The following DOCK9 variants were observed in gnomAD, a reference collection of about 807,000 sequenced individuals.
The protein encoded by DOCK9 is dedicator of cytokinesis 9, also known as dedicator of cytokinesis protein 9.
A neutral mutation model predicts 263.3 loss-of-function variants in DOCK9; 89 were observed. That is an observed-to-expected ratio of 0.34 (90% CI 0.28 to 0.40). DOCK9 has a LOEUF of 0.40. DOCK9 is among the 10% of genes least tolerant of loss of function. The pLI is 1.00. For synonymous variants in DOCK9, 976 were observed against 973.1 expected, an observed-to-expected ratio of 1.00 and a Z score of -0.06; for missense variants, 2,140 against 2,603.4, an observed-to-expected ratio of 0.82 and a Z score of 3.87.
At chr13:99,037,960 T>A (rs1368751665) in intron 1 of DOCK9, among the ~76,000 whole-genome samples, 2 of 152,146 alleles carry the variant, frequency 1.3e-5, no homozygotes, top group Non-Finnish European at 2.9e-5. Flanking sequence ...GAAGGACGGA[T>A]CATAAAAGGC....
At chr13:98,862,684 T>C (rs1185310099) in intron 32 of DOCK9, among the ~76,000 whole-genome samples, 2 of 134,574 alleles carry the variant, frequency 1.5e-5, no homozygotes, top group South Asian at 2.4e-4. Flanking sequence ...GCAAGACTTA[T>C]CTTGGGGAAA....
chr13:98,797,151 T>C lies in DOCK9; in HGVS notation c.6120A>G (p.Glu2040=). 1 of 1,614,008 alleles carries C rather than the reference T, an allele frequency of 6.2e-7. No individual in the cohort carries two copies. Residue 2040 remains glutamate (E), a synonymous_variant, in exon 52 of 53, where the codon GAA becomes GAG. Transcript: ENST00000682017. The part of the protein sequence containing the change: ...YQEEMKANYR[E]MAKELSEIMH... Reference sequence around the variant, plus strand: ...TGATTTCAGAAAGCTCCTTCGCCATTTCCCTGTAGTTGGCTTTCATTTCTT... The same window carrying C: ...TGATTTCAGAAAGCTCCTTCGCCATCTCCCTGTAGTTGGCTTTCATTTCTT...
rs3211042 is a variant in DOCK9 at position 98,807,677 on chromosome 13, A to T, written c.5498T>A (p.Ile1833Lys). ...DKFGSENVKM[I>K]QDSGKVNPKD... ...TGGTCATACCTTGCCAGAATCCTGTATCATTTTGACATTTTCAGAACCAAA... is the reference window on the plus strand; with the variant it reads ...TGGTCATACCTTGCCAGAATCCTGTTTCATTTTGACATTTTCAGAACCAAA... The change falls in exon 48 of 53, where the codon ATA (isoleucine) becomes AAA (lysine). Residue 1833 changes from isoleucine (I) to lysine (K), a missense_variant. Physicochemically the swap from Ile to Lys is moderately radical, Grantham distance 102. Coordinates refer to ENST00000682017, the MANE Select transcript of DOCK9 (RefSeq NM_001366683.2). 6.2e-7 allele frequency: 1 copy of T among 1,609,348 alleles called. No individual in the cohort carries two copies. Among genetic ancestry groups the T allele is most frequent in the Admixed American group, 1.7e-5 (1 of 59,962 alleles).
At chr13:98,812,575 A>C (rs1205936656) in intron 45 of DOCK9, among the ~76,000 whole-genome samples, 2 of 152,428 alleles carry the variant, frequency 1.3e-5, no homozygotes, top group East Asian at 3.8e-4. Flanking sequence ...CAAGGGCTAC[A>C]ACAACTTAAT....
Position 98,794,103 on chromosome 13 carries a change from C to G in DOCK9, c.*523G>C, listed in dbSNP as rs1309781172. ...AAATGAATATAAAAGCACTAAATCTCCTGGTTCACTGGTACAAAAATTACA... is the reference window on the plus strand; with the variant it reads ...AAATGAATATAAAAGCACTAAATCTGCTGGTTCACTGGTACAAAAATTACA... On this transcript the variant is annotated 3_prime_UTR_variant, in exon 53 of 53. Coordinates refer to ENST00000682017, the MANE Select transcript of DOCK9 (RefSeq NM_001366683.2). The G allele has an allele frequency of 6.5e-6, 1 of 152,754 alleles. No individual in the cohort carries two copies. Among genetic ancestry groups the G allele is most frequent in the South Asian group, 2.1e-4 (1 of 4,828 alleles). 9.5% of individuals were successfully genotyped at this position (152,754 alleles called of 1,614,324 possible).
At position 98,810,250 on chromosome 13, in the gene DOCK9, G is replaced by A. The variant is rs777209815; in HGVS notation, c.5172C>T (p.Leu1724=). 3.1e-6 allele frequency: 5 copies of A among 1,613,816 alleles called. No individual in the cohort carries two copies. The highest frequency in any genetic ancestry group is 1.3e-5 in the African/African-American group (1 of 75,040). ...TGAGCTCGTAGCGCTCGGCTTTCCA[G>A]AGTCCATCTGCGCACTGCTCAAGGA... ...MELLEQCADG[L]WKAERYELIA... The change falls in exon 46 of 53, where the codon CTC becomes CTT. Residue 1724 remains leucine, a synonymous_variant. Coordinates refer to ENST00000682017, the MANE Select transcript of DOCK9 (RefSeq NM_001366683.2).
chr13:99,023,669 G>GAA (rs889914519), intron 1 of DOCK9, among the ~76,000 whole-genome samples: 15 of 152,244 alleles, frequency 9.9e-5, no homozygotes, highest in African/African-American at 3.6e-4. Flanking sequence ...TTTAAAAATA[G>GAA]AAAACCAACT....
chr13:98,873,672 CA>C (rs909144067), intron 27 of DOCK9, among the ~76,000 whole-genome samples: 10 of 152,188 alleles, frequency 6.6e-5, no homozygotes, highest in Non-Finnish European at 1.5e-4. Context: ...CCAGTTAGAT[CA>C]AAAGGAGGAG....
chr13:98,955,298 G>A, intron 2 of DOCK9, 137 bp downstream of exon 2: 2 of 524,240 alleles, frequency 3.8e-6, no homozygotes, highest in Non-Finnish European at 6.1e-6. Flanking sequence ...AAGCCTGCGT[G>A]ACAGAGCAAG....
At chr13:99,007,193 T>C (rs999901014) in intron 1 of DOCK9, among the ~76,000 whole-genome samples, 1 of 151,678 alleles carries the variant, frequency 6.6e-6, no homozygotes, top group African/African-American at 2.4e-5. Context: ...ATCAAGACCA[T>C]CCTGGCCAAC....
chr13:98,872,354 G>A (rs2094209885), intron 27 of DOCK9, among the ~76,000 whole-genome samples: 1 of 152,010 alleles, frequency 6.6e-6, no homozygotes, highest in African/African-American at 2.4e-5. Flanking sequence ...AGATCCCTAT[G>A]TTATTTCCTC....
intron 10 of DOCK9, among the ~76,000 whole-genome samples, chr13:98,903,316 G>A (rs554917666): frequency 3.9e-5 from 6 of 152,194 alleles, no homozygotes; most frequent in African/African-American, 7.2e-5. Context: ...GACATGGGCC[G>A]GGCACGGTGG....
intron 32 of DOCK9, among the ~76,000 whole-genome samples, chr13:98,862,776 C>T (rs1462923288): frequency 6.6e-6 from 1 of 152,018 alleles, no homozygotes; most frequent in African/African-American, 2.4e-5. Flanking sequence ...CAGAGACTGG[C>T]GCGATGCCAC....
At chr13:99,009,411 T>C (rs1452856548) in intron 1 of DOCK9, among the ~76,000 whole-genome samples, 1 of 152,030 alleles carries the variant, frequency 6.6e-6, no homozygotes, top group African/African-American at 2.4e-5. Context: ...CAAACCATGG[T>C]GCTGTGACCA....
intron 38 of DOCK9, among the ~76,000 whole-genome samples, chr13:98,844,152 C>A (rs1044297693): frequency 1.2e-4 from 18 of 152,208 alleles, no homozygotes; most frequent in African/African-American, 4.3e-4. Context: ...TGTTCCAATC[C>A]CTTTCTGCAG....
Position 99,050,177 on chromosome 13 carries a change from C to G in DOCK9, c.129+36046G>C, listed in dbSNP as rs556360262. Among the ~76,000 whole-genome samples, 3 of 152,180 alleles carry G rather than the reference C, an allele frequency of 2.0e-5. No individual in the cohort carries two copies. The East Asian group carries it at 5.8e-4, about 29-fold the overall frequency. On this transcript the variant is annotated intron_variant, in intron 1 of 32. Coordinates refer to the DOCK9 transcript ENST00000427887. ...AAATCAAAAATGGAAAGACACATAG[C>G]ATGTGTAGTTTATCTATGTCACAGA... is the stretch of plus-strand genomic sequence containing the variant.
intron 1 of DOCK9, among the ~76,000 whole-genome samples, chr13:99,027,763 C>T (rs2000343): frequency 0.49 from 74,896 of 151,608 alleles, 18,719 homozygotes; most frequent in East Asian, 0.65. Flanking sequence ...GTATAGCTCA[C>T]GGAGCTGTTT....
At position 98,829,682 on chromosome 13, in the gene DOCK9, G is replaced by A. The variant is rs754639360; in HGVS notation, c.4710C>T (p.Ser1570=). 3.7e-6 allele frequency: 6 copies of A among 1,609,646 alleles called. No individual in the cohort carries two copies. The highest frequency in any genetic ancestry group is 5.1e-6 in the Non-Finnish European group (6 of 1,178,020). ...CACTGTTGGCACAGTTGTTGATGAT[G>A]GACAGGGACTGCTGGAATCTGGTTC... ...IGGTRFQQSL[S]IINNCANSDR... The change falls in exon 42 of 53, where the codon TCC becomes TCT. Residue 1570 remains serine (S), a synonymous_variant. Transcript: ENST00000682017. The surrounding 1 kb of genome is among the most constrained non-coding windows in gnomAD (Gnocchi z 4.1).
rs183414235 is a variant in DOCK9, at chr13:99,047,350, C to A, written c.129+38873G>T. On this transcript the variant is annotated intron_variant, in intron 1 of 32. Transcript: ENST00000427887. ...CAGCTGCCATCGCAGCACATAAGCACGTCTGTTACCATCAGGGTCCCCAGG... is the reference window on the plus strand; with the variant it reads ...CAGCTGCCATCGCAGCACATAAGCAAGTCTGTTACCATCAGGGTCCCCAGG... Among the ~76,000 whole-genome samples, 35 of 152,288 alleles carry A rather than the reference C, an allele frequency of 2.3e-4. No homozygotes were observed. In the East Asian group the frequency reaches 6.4e-3, roughly 28 times the overall value.
Sources: allele counts gnomAD v4.1 joint callset (sites outside exome capture counted in the v4.1 genomes callset), GRCh38; gene constraint gnomAD v4.1.1; non-coding constraint Gnocchi (gnomAD v3.1); transcripts MANE v1.5; gene names NCBI Gene and HGNC (gene_info 2026-07-23, HGNC 2026-07-21).